Variants in GABPB1 observed in about 807,000 individuals in gnomAD.
GABPB1 encodes the protein GA binding protein transcription factor subunit beta 1.
Under a neutral mutation model 45.9 loss-of-function variants are expected in GABPB1, and 15 were observed. The observed-to-expected ratio is 0.33, with a 90% CI of 0.22 to 0.50. The LOEUF (loss-of-function observed/expected upper bound fraction) is 0.50. Among genes scored for constraint, GABPB1 ranks in the 20% least tolerant of loss-of-function variants. GABPB1 has a pLI of 0.98. For synonymous variants in GABPB1, 143 were observed against 154.4 expected (o/e 0.93, Z 0.55); for missense variants, 252 against 457.5 (o/e 0.55, Z 4.10).
chr15:50,330,939 T>A (rs1173709729), intron 1 of GABPB1, among the ~76,000 whole-genome samples: 2 of 151,880 alleles, frequency 1.3e-5, no homozygotes, highest in Non-Finnish European at 2.9e-5. Context: ...AGAAACAGAG[T>A]ACTAGATTAG....
chr15:50,336,169 G>A (rs1336513742), intron 1 of GABPB1, among the ~76,000 whole-genome samples: 1 of 151,582 alleles, frequency 6.6e-6, no homozygotes, highest in African/African-American at 2.4e-5. Context: ...TGGCCAATAT[G>A]GCGAAAACCC....
chr15:50,325,905 T>A (rs7183422), intron 1 of GABPB1, among the ~76,000 whole-genome samples: 27,758 of 135,224 alleles, frequency 0.21, 2,700 homozygotes, highest in Middle Eastern at 0.28. Context: ...ATATAAGGGT[T>A]TTTTTTGTTT....
At chr15:50,296,345 G>C (rs1226327149) in intron 6 of GABPB1, among the ~76,000 whole-genome samples, 2 of 151,986 alleles carry the variant, frequency 1.3e-5, no homozygotes, top group African/African-American at 4.8e-5. Flanking sequence ...TATTTCAACA[G>C]ACTACCTATT....
At chr15:50,281,977 A>G (rs1474855199) in intron 8 of GABPB1, among the ~76,000 whole-genome samples, 1 of 152,036 alleles carries the variant, frequency 6.6e-6, no homozygotes, top group Non-Finnish European at 1.5e-5. Context: ...CAGTCTCCCA[A>G]AGTGCTGGGA....
chr15:50,318,789 C>G (rs560901709), intron 1 of GABPB1, among the ~76,000 whole-genome samples: 11 of 152,142 alleles, frequency 7.2e-5, no homozygotes, highest in African/African-American at 2.6e-4. Flanking sequence ...TACAAGAAAA[C>G]TAAGAAAAGA....
At chr15:50,298,240 T>C (rs2046594980) in intron 6 of GABPB1, among the ~76,000 whole-genome samples, 1 of 152,086 alleles carries the variant, frequency 6.6e-6, no homozygotes, top group Admixed American at 6.6e-5. Flanking sequence ...CACAGGCACC[T>C]GCCACCATGC....
chr15:50,297,076 A>C (rs2046543513), intron 6 of GABPB1, among the ~76,000 whole-genome samples: 1 of 151,320 alleles, frequency 6.6e-6, no homozygotes, highest in African/African-American at 2.4e-5. Context: ...ACATCCGGCT[A>C]ATGTTTGTAT....
At chr15:50,349,502 CT>C (rs2048741527) in intron 1 of GABPB1, 1 of 152,062 alleles carries the variant, frequency 6.6e-6, no homozygotes, top group Non-Finnish European at 1.5e-5. Flanking sequence ...AGTAAACTGC[CT>C]AAAATCACAC....
chr15:50,354,521 A>C (rs1025919611), intron 1 of GABPB1: 1 of 448,930 alleles, frequency 2.2e-6, no homozygotes, highest in African/African-American at 2.1e-5. Context: ...GCCGAGACAA[A>C]GGGTACCGCG....
chr15:50,346,590 T>TTTG (rs1274840790), intron 1 of GABPB1, among the ~76,000 whole-genome samples: 1 of 145,664 alleles, frequency 6.9e-6, no homozygotes, highest in Non-Finnish European at 1.5e-5. Flanking sequence ...ACAGAAAGTT[T>TTTG]TTTTTTTTTT....
intron 1 of GABPB1, among the ~76,000 whole-genome samples, chr15:50,331,650 G>C (rs953918160): frequency 6.6e-6 from 1 of 152,170 alleles, no homozygotes; most frequent in Non-Finnish European, 1.5e-5. Context: ...ACATTGTTAA[G>C]AGGCTACTCC....
intron 1 of GABPB1, among the ~76,000 whole-genome samples, chr15:50,320,178 CTT>C (rs762700049): frequency 1.3e-5 from 2 of 152,072 alleles, no homozygotes; most frequent in Admixed American, 6.6e-5. Context: ...TTTCATTTTA[CTT>C]TTTTGAGATG....
At chr15:50,312,822 A>T (rs1755960258) in intron 1 of GABPB1, among the ~76,000 whole-genome samples, 1 of 152,178 alleles carries the variant, frequency 6.6e-6, no homozygotes, top group South Asian at 2.1e-4. Flanking sequence ...GTGAAGTGAG[A>T]GTTTAGGGCT....
In GABPB1 at chr15:50,340,956, T is replaced by TG. The variant is rs1392246385; in HGVS notation, c.-1+14028_-1+14029insC. ...ATATGGTTTATTACCATATGTAATA[T>TG]TACATATTACATATGGTTTATTACC... On this transcript the variant is annotated intron_variant, in intron 1 of 8. Transcript: ENST00000380877. Among the ~76,000 whole-genome samples the TG allele has an allele frequency of 3.9e-4, 8 of 20,438 alleles. 1 individual carries two copies. Among genetic ancestry groups the TG allele is most frequent in the Admixed American group, 1.2e-3 (2 of 1,684 alleles). 13.4% of individuals were successfully genotyped at this position (20,438 alleles called of 152,430 possible).
chr15:50,346,621 C>G (rs1056892830), intron 1 of GABPB1, among the ~76,000 whole-genome samples: 2 of 122,342 alleles, frequency 1.6e-5, no homozygotes, highest in African/African-American at 6.5e-5. Flanking sequence ...AGATGGGAGT[C>G]TCACTATGGT....
At chr15:50,305,712 TTTTTTA>T (rs2046926123) in intron 2 of GABPB1, among the ~76,000 whole-genome samples, 1 of 152,228 alleles carries the variant, frequency 6.6e-6, no homozygotes, top group South Asian at 2.1e-4. Flanking sequence ...TAGGATCTAC[TTTTTTA>T]TTTTTGTCTT....
chr15:50,341,512 A>T (rs770672381), intron 1 of GABPB1, among the ~76,000 whole-genome samples: 14 of 152,026 alleles, frequency 9.2e-5, no homozygotes, highest in Admixed American at 4.6e-4. Flanking sequence ...CAGCCTGGGC[A>T]ACAAGAGTGA....
chr15:50,284,639 A>G lies in GABPB1; in HGVS notation c.999+1429T>C, dbSNP rs557433972. ...AGGTAAATAAAGGTATAGGCTGCAC[A>G]TTCACTGTTTAAAAATATAATCTGT... On this transcript the variant is annotated intron_variant, in intron 8 of 8. Coordinates refer to ENST00000380877, the MANE Select transcript of GABPB1 (RefSeq NM_016654.5). 3.9e-5 allele frequency among the ~76,000 whole-genome samples: 6 copies of G among 152,336 alleles called. No individual in the cohort carries two copies. The South Asian group carries it at 1.2e-3, about 32-fold the overall frequency.
rs1458482852 is a variant in GABPB1 at position 50,326,673 on chromosome 15, T to G, written c.1-16875A>C. Among the ~76,000 whole-genome samples, 7 of 147,930 alleles carry G rather than the reference T, an allele frequency of 4.7e-5. 1 individual carries two copies. The highest frequency in any genetic ancestry group is 4.7e-4 in the Admixed American group (7 of 14,860). ...TGAGACTCCGTCTCAAAAAAAAAAA[T>G]GAAAAACAAAAATTAGCCAGGGTTG... On this transcript the variant is annotated intron_variant, in intron 1 of 8. Transcript: ENST00000380877.
Sources: allele counts gnomAD v4.1 joint callset (sites outside exome capture counted in the v4.1 genomes callset), GRCh38; gene constraint gnomAD v4.1.1; transcripts MANE v1.5; gene names NCBI Gene and HGNC (gene_info 2026-07-23, HGNC 2026-07-21).